The following PRKCE variants were observed in gnomAD, a reference collection of about 807,000 sequenced individuals.
PRKCE encodes protein kinase C epsilon type.
PRKCE carries 16 observed loss-of-function variants against 85.4 expected under a neutral mutation model. The observed-to-expected ratio is 0.19, with a 90% CI of 0.13 to 0.28. PRKCE has a LOEUF of 0.28. PRKCE is among the 10% of genes least tolerant of loss of function. PRKCE has a pLI of 1.00. For synonymous variants in PRKCE, 388 were observed against 371.5 expected (o/e 1.04, Z -0.51); for missense variants, 573 against 975.2 (o/e 0.59, Z 5.49).
intron 1 of PRKCE, among the ~76,000 whole-genome samples, chr2:45,728,452 T>A (rs1158128787): frequency 6.6e-6 from 1 of 152,186 alleles, no homozygotes; most frequent in Non-Finnish European, 1.5e-5. Flanking sequence ...AATAGTCCCA[T>A]GCCCAAACAC....
intron 2 of PRKCE, among the ~76,000 whole-genome samples, chr2:45,844,269 G>A (rs1691596342): frequency 6.6e-6 from 1 of 152,046 alleles, no homozygotes; most frequent in Non-Finnish European, 1.5e-5. Flanking sequence ...CAATTATTTG[G>A]CATAGGTTTA....
At chr2:46,163,065 G>A (rs892723071) in intron 14 of PRKCE, among the ~76,000 whole-genome samples, 5 of 152,242 alleles carry the variant, frequency 3.3e-5, no homozygotes, top group African/African-American at 1.2e-4. Flanking sequence ...GTTTTCATAC[G>A]CCATCGCGCC....
intron 10 of PRKCE, among the ~76,000 whole-genome samples, chr2:46,044,756 T>C (rs1242597209): frequency 6.6e-6 from 1 of 152,078 alleles, no homozygotes; most frequent in Non-Finnish European, 1.5e-5. Flanking sequence ...ATAAATAAAT[T>C]AGGGAAAGTG....
chr2:45,688,408 A>G (rs1277665590), intron 1 of PRKCE, among the ~76,000 whole-genome samples: 2 of 152,144 alleles, frequency 1.3e-5, no homozygotes, highest in East Asian at 3.8e-4. Flanking sequence ...TCTTCTTTAA[A>G]ATATTATTTT....
Position 45,673,272 on chromosome 2 carries a change from A to G in PRKCE, c.348+20824A>G, listed in dbSNP as rs532073861. 3.3e-5 allele frequency among the ~76,000 whole-genome samples: 5 copies of G among 152,370 alleles called. No individual in the cohort carries two copies. In the South Asian group the frequency reaches 1.0e-3, roughly 32 times the overall value. On this transcript the variant is annotated intron_variant, in intron 1 of 14. Transcript: ENST00000306156. ...CCCAAAATGTGTTCCAAACAATATAAGAAGTGAATAGGTCATTCACACTCA... is the reference window on the plus strand; with the variant it reads ...CCCAAAATGTGTTCCAAACAATATAGGAAGTGAATAGGTCATTCACACTCA...
At chr2:45,723,306 A>G (rs1310907734) in intron 1 of PRKCE, among the ~76,000 whole-genome samples, 1 of 152,124 alleles carries the variant, frequency 6.6e-6, no homozygotes, top group East Asian at 1.9e-4. Flanking sequence ...AGAGGCCCCT[A>G]TGAGCCAGCA....
rs397984467 is a variant in PRKCE at position 46,023,089 on chromosome 2, C to CAAAAAAAAAAAA, written c.1437+12582_1437+12593dup. On this transcript the variant is annotated intron_variant, in intron 10 of 14. Coordinates refer to ENST00000306156, the MANE Select transcript of PRKCE (RefSeq NM_005400.3). ...TGGGCGACAGAGCGAGACTCCGTCT[C>CAAAAAAAAAAAA]AAAAAAAAAAAAAAAAAAAAATCAT... 6.2e-4 allele frequency among the ~76,000 whole-genome samples: 44 copies of CAAAAAAAAAAAA among 71,472 alleles called. 1 individual carries two copies. The highest frequency in any genetic ancestry group is 9.8e-4 in the African/African-American group (16 of 16,392). 46.9% of individuals were successfully genotyped at this position (71,472 alleles called of 152,430 possible).
chr2:46,137,275 C>T (rs577739839), intron 11 of PRKCE, among the ~76,000 whole-genome samples: 78 of 152,112 alleles, frequency 5.1e-4, no homozygotes, highest in Admixed American at 1.4e-3. Flanking sequence ...TGTCTGACAT[C>T]GGGAAGAGAA....
chr2:46,123,214 C>CTTCTTTTTTTTT (rs1673500484), intron 11 of PRKCE, among the ~76,000 whole-genome samples: 1 of 27,352 alleles, frequency 3.7e-5, no homozygotes, highest in Non-Finnish European at 6.6e-5. Flanking sequence ...AAACACTTGC[C>CTTCTTTTTTTTT]TTTTTTTTTT....
chr2:45,887,708 G>C (rs920754893), intron 2 of PRKCE, among the ~76,000 whole-genome samples: 2 of 152,124 alleles, frequency 1.3e-5, no homozygotes, highest in Non-Finnish European at 2.9e-5. Context: ...TCCTGGTCCT[G>C]CCTCCTGGAA....
At chr2:45,990,198 G>A (rs996842531) in intron 6 of PRKCE, among the ~76,000 whole-genome samples, 2 of 152,186 alleles carry the variant, frequency 1.3e-5, no homozygotes, top group African/African-American at 4.8e-5. Flanking sequence ...AAACTCAACT[G>A]GAAGAGGATC....
chr2:45,996,209 A>G (rs1704202928), intron 6 of PRKCE, among the ~76,000 whole-genome samples: 1 of 152,122 alleles, frequency 6.6e-6, no homozygotes, highest in Admixed American at 6.5e-5. Flanking sequence ...TTAACTTTGT[A>G]TTCTTCAATC....
intron 10 of PRKCE, among the ~76,000 whole-genome samples, chr2:46,014,602 TA>T (rs1198989170): frequency 3.9e-5 from 6 of 152,312 alleles, no homozygotes; most frequent in Non-Finnish European, 7.3e-5. Flanking sequence ...TTTCTTGCTA[TA>T]AAAAAATTAT....
intron 6 of PRKCE, among the ~76,000 whole-genome samples, chr2:45,989,267 G>T (rs1486160608): frequency 6.6e-6 from 1 of 152,200 alleles, no homozygotes; most frequent in African/African-American, 2.4e-5. Flanking sequence ...GATTCCTAAA[G>T]AATCTTCTTC....
chr2:45,998,142 G>T (rs536857826), intron 6 of PRKCE, among the ~76,000 whole-genome samples: 1 of 152,104 alleles, frequency 6.6e-6, no homozygotes, highest in Non-Finnish European at 1.5e-5. Flanking sequence ...TGAAGTTGTT[G>T]ATAGATGTCA....
chr2:46,093,530 CTTTTT>C (rs56905063), intron 11 of PRKCE, among the ~76,000 whole-genome samples: 5 of 131,470 alleles, frequency 3.8e-5, no homozygotes, highest in Non-Finnish European at 6.4e-5. Flanking sequence ...TTGTACTTTT[CTTTTT>C]TTTTTTTTTT....
chr2:45,933,742 C>T (rs1178219711), intron 2 of PRKCE, among the ~76,000 whole-genome samples: 1 of 152,124 alleles, frequency 6.6e-6, no homozygotes, highest in Non-Finnish European at 1.5e-5. Flanking sequence ...TCCCAAGGTG[C>T]TGGGATTACA....
intron 1 of PRKCE, among the ~76,000 whole-genome samples, chr2:45,664,957 C>T (rs1314553103): frequency 6.6e-6 from 1 of 152,200 alleles, no homozygotes; most frequent in East Asian, 1.9e-4. Context: ...GTTCAGTTGT[C>T]CTGGGCCAAA....
At chr2:45,841,916 G>A (rs922431958) in intron 1 of PRKCE, among the ~76,000 whole-genome samples, 1 of 152,188 alleles carries the variant, frequency 6.6e-6, no homozygotes, top group African/African-American at 2.4e-5. Context: ...GAAAAGGAGG[G>A]GGATAGTGGT....
Sources: allele counts gnomAD v4.1 joint callset (sites outside exome capture counted in the v4.1 genomes callset), GRCh38; gene constraint gnomAD v4.1.1; transcripts MANE v1.5; gene names NCBI Gene and HGNC (gene_info 2026-07-23, HGNC 2026-07-21).